ZNF107: variants seen among roughly 807,000 people sequenced by gnomAD.
ZNF107 encodes C2H2 type zinc-finger protein.
Under a neutral mutation model 12.3 loss-of-function variants are expected in ZNF107, and 19 were observed. That is an observed-to-expected ratio of 1.55 (90% CI 1.08 to 2.27). The LOEUF (loss-of-function observed/expected upper bound fraction) is 2.27, where lower values mean the gene tolerates loss of function less well. Ranked by LOEUF, ZNF107 falls within the 30% of genes most tolerant of loss-of-function variation. The pLI, the probability that ZNF107 is intolerant of heterozygous loss-of-function variation, is 0.00. For missense variants in ZNF107, 958 were observed against 979.9 expected (o/e 0.98, Z 0.30); for synonymous variants, 317 against 330.5 (o/e 0.96, Z 0.44).
intron 3 of ZNF107, among the ~76,000 whole-genome samples, chr7:64,705,199 CTT>C (rs1217728869): frequency 6.6e-6 from 1 of 152,016 alleles, no homozygotes; most frequent in East Asian, 1.9e-4. Context: ...TTGTCTGTGA[CTT>C]TTGAAATTTT....
intron 3 of ZNF107, among the ~76,000 whole-genome samples, chr7:64,700,610 G>C (rs1389879316): frequency 1.5e-5 from 2 of 129,440 alleles, no homozygotes; most frequent in African/African-American, 5.8e-5. Flanking sequence ...CGTGATCCCA[G>C]CTCACTGCAA....
Position 64,707,927 on chromosome 7 carries a change from A to T in ZNF107, c.1830A>T (p.Ile610=). ...KAFKQSSHRT[I]HKIIHTGEKP... ...TTAAACAGTCCTCACACCGTACTAT[A>T]CATAAAATTATTCATACTGGAGAGA... The change falls in exon 4 of 4, where the codon ATA becomes ATT. Residue 610 remains isoleucine, a synonymous_variant. Transcript: ENST00000620827. 2 of 1,613,586 alleles carry T rather than the reference A, an allele frequency of 1.2e-6. No homozygotes were observed. The highest frequency in any genetic ancestry group is 8.5e-7 in the Non-Finnish European group (1 of 1,179,748).
At chr7:64,691,720 T>C (rs957812039) in intron 2 of ZNF107, 145 bp from the exon 3 acceptor site, 26 of 385,336 alleles carry the variant, frequency 6.7e-5, no homozygotes, top group Non-Finnish European at 9.8e-5. Context: ...AACCTACACA[T>C]TTAAAATATT....
Position 64,706,463 on chromosome 7 carries a change from G to A in ZNF107, c.366G>A (p.Glu122=), listed in dbSNP as rs1432730580. Residue 122 remains glutamate (E), a synonymous_variant, in exon 4 of 4, where the codon GAG becomes GAA. Transcript: ENST00000620827. Reference sequence around the variant, plus strand: ...GAAAAGGCTGTAAACATGTGGATGAGTGTACGGGGCACAAAGGAGGTCATA... The same window carrying A: ...GAAAAGGCTGTAAACATGTGGATGAATGTACGGGGCACAAAGGAGGTCATA... ...QLRKGCKHVD[E]CTGHKGGHNT... 1 of 1,613,720 alleles carries A rather than the reference G, an allele frequency of 6.2e-7. No individual in the cohort carries two copies. Among genetic ancestry groups the A allele is most frequent in the South Asian group, 1.1e-5 (1 of 91,042 alleles).
At chr7:64,692,503 T>C (rs1432016553) in intron 3 of ZNF107, among the ~76,000 whole-genome samples, 2 of 152,176 alleles carry the variant, frequency 1.3e-5, no homozygotes, top group Non-Finnish European at 2.9e-5. Context: ...CTCTTCAAAG[T>C]TTATTGTAGT....
intron 1 of ZNF107, chr7:64,679,192 A>G: frequency 1.0e-6 from 1 of 984,790 alleles, no homozygotes; most frequent in Non-Finnish European, 1.2e-6. Context: ...GCCATAACAC[A>G]CATTTGATGC....
At position 64,708,797 on chromosome 7, in the gene ZNF107, A is replaced by T. The variant is rs186752946; in HGVS notation, c.*141A>T. The T allele has an allele frequency of 3.7e-6, 3 of 820,864 alleles. No homozygotes were observed. In the African/African-American group the frequency reaches 5.2e-5, roughly 14 times the overall value. 50.8% of individuals were successfully genotyped at this position (820,864 alleles called of 1,614,324 possible). ...TTTTATACTGGTGAGAAACCTTACA[A>T]TGTAAAGAATGTGGCACAGCTTTTA... On this transcript the variant is annotated 3_prime_UTR_variant, in exon 4 of 4. Coordinates refer to ENST00000620827, the MANE Select transcript of ZNF107 (RefSeq NM_001282359.2).
At chr7:64,698,212 T>A (rs73138703) in intron 3 of ZNF107, among the ~76,000 whole-genome samples, 44,178 of 152,108 alleles carry the variant, frequency 0.29, 8,027 homozygotes, top group Non-Finnish European at 0.4. Flanking sequence ...TGTATCTTTT[T>A]TGATGAAAAT....
intron 3 of ZNF107, 90 bp from the exon 4 acceptor site, chr7:64,706,234 T>C (rs941604872): frequency 6.5e-6 from 8 of 1,236,374 alleles, no homozygotes; most frequent in South Asian, 3.6e-5. Context: ...ATCTGGCTTA[T>C]GTAGTTTGTA....
intron 1 of ZNF107, among the ~76,000 whole-genome samples, chr7:64,676,362 G>A (rs1050198947): frequency 6.6e-6 from 1 of 152,126 alleles, no homozygotes; most frequent in East Asian, 1.9e-4. Context: ...GTTTGTAGAT[G>A]AAGAGTTTTG....
intron 1 of ZNF107, chr7:64,687,679 G>A (rs1789969843): frequency 7.2e-6 from 4 of 553,818 alleles, no homozygotes; most frequent in Non-Finnish European, 9.2e-6. Flanking sequence ...AATTTATGAT[G>A]AACTATGTAT....
chr7:64,691,222 A>G, intron 1 of ZNF107, 26 bp from the exon 2 acceptor site: 1 of 1,438,042 alleles, frequency 7.0e-7, no homozygotes, highest in Non-Finnish European at 9.2e-7. Context: ...CTGCTTGGTA[A>G]ATGTGTGTGT....
At chr7:64,668,270 AG>A (rs755833798) in intron 1 of ZNF107, among the ~76,000 whole-genome samples, 22 of 151,280 alleles carry the variant, frequency 1.5e-4, no homozygotes, top group Non-Finnish European at 3.1e-4. Flanking sequence ...CTCGTCATTT[AG>A]CATTAGGTAT....
At chr7:64,666,871 A>G (rs1234896285) in intron 1 of ZNF107, among the ~76,000 whole-genome samples, 1 of 152,218 alleles carries the variant, frequency 6.6e-6, no homozygotes, top group Non-Finnish European at 1.5e-5. Flanking sequence ...AGCAAACTCA[A>G]TAATTGGTTA....
At position 64,704,869 on chromosome 7, in the gene ZNF107, G is replaced by A. The variant is rs368018967; in HGVS notation, c.227-1455G>A. Among the ~76,000 whole-genome samples, 22 of 152,018 alleles carry A rather than the reference G, an allele frequency of 1.4e-4. No individual in the cohort carries two copies. The South Asian group carries it at 4.2e-3, about 29-fold the overall frequency. On this transcript the variant is annotated intron_variant, in intron 3 of 3. Transcript: ENST00000620827. The stretch of plus-strand genomic sequence containing the variant: ...TATTTTTTATATTTTTAGTACAGAT[G>A]GGGTTTCACCATGTTGATCAGGCTG...
chr7:64,698,071 T>G (rs536091531), intron 3 of ZNF107, among the ~76,000 whole-genome samples: 1 of 152,286 alleles, frequency 6.6e-6, no homozygotes, highest in East Asian at 1.9e-4. Flanking sequence ...ATCAACAGAT[T>G]TGGTGTCTTT....
intron 1 of ZNF107, among the ~76,000 whole-genome samples, chr7:64,673,713 T>C (rs1789317172): frequency 6.6e-6 from 1 of 152,240 alleles, no homozygotes; most frequent in Non-Finnish European, 1.5e-5. Flanking sequence ...AAGTTTTACA[T>C]TTAAATCTGT....
rs1229657457 is a variant in ZNF107 at position 64,704,013 on chromosome 7, G to GT, written c.227-2310dup. ...AGATAAAACAGTATATTATAATCTAGTAAAAAAAAAATCAACTTTATTTGC... is the reference window on the plus strand; with the variant it reads ...AGATAAAACAGTATATTATAATCTAGTTAAAAAAAAAATCAACTTTATTTGC... On this transcript the variant is annotated intron_variant, in intron 3 of 3. Transcript: ENST00000620827. Among the ~76,000 whole-genome samples the GT allele has an allele frequency of 6.0e-5, 9 of 150,492 alleles. 1 individual carries two copies. The South Asian group carries it at 1.3e-3, about 21-fold the overall frequency.
rs538549669 is a variant in ZNF107 at position 64,691,388 on chromosome 7, C to T, written c.130+14C>T. On this transcript the variant is annotated intron_variant, in intron 2 of 3. Coordinates refer to ENST00000620827, the MANE Select transcript of ZNF107 (RefSeq NM_001282359.2). ...TGGTCTTTTTGGGTGAGGATAACTT[C>T]AATACACAATTCCCAAAATACCCTT... is the stretch of plus-strand genomic sequence containing the variant. The T allele has an allele frequency of 4.9e-6, 7 of 1,433,022 alleles. No homozygotes were observed. The East Asian group carries it at 1.7e-4, about 34-fold the overall frequency. 88.8% of individuals were successfully genotyped at this position (1,433,022 alleles called of 1,614,324 possible).
Sources: gnomAD v4.1 joint callset for allele counts (sites outside exome capture counted in the v4.1 genomes callset) on GRCh38, gnomAD v4.1.1 for gene constraint, MANE v1.5 for transcripts, NCBI Gene and HGNC (gene_info 2026-07-23, HGNC 2026-07-21) for gene names.